The following ACTL8 variants were observed in gnomAD, a reference collection of about 807,000 sequenced individuals.
ACTL8 encodes actin like 8.
A neutral mutation model predicts 9.3 loss-of-function variants in ACTL8; 3 were observed. The observed-to-expected ratio is 0.32, with a 90% CI of 0.15 to 0.83. The LOEUF is 0.83. Ranked by LOEUF, ACTL8 falls within the 40% of genes least tolerant of loss-of-function variation. The pLI, the probability that ACTL8 is intolerant of heterozygous loss-of-function variation, is 0.57. For missense variants in ACTL8, 381 were observed against 492.2 expected, an observed-to-expected ratio of 0.77 and a Z score of 2.14; for synonymous variants, 224 against 205.9, an observed-to-expected ratio of 1.09 and a Z score of -0.75.
At chr1:17,794,773 C>A (rs2066265589) in intron 1 of ACTL8, among the ~76,000 whole-genome samples, 2 of 152,308 alleles carry the variant, frequency 1.3e-5, no homozygotes, top group South Asian at 2.1e-4. Flanking sequence ...ACGTAGAGAT[C>A]CCACAGAGAG....
chr1:17,780,289 C>T (rs933010535), intron 1 of ACTL8, among the ~76,000 whole-genome samples: 1 of 152,128 alleles, frequency 6.6e-6, no homozygotes, highest in Non-Finnish European at 1.5e-5. Context: ...CTGGGAAGAC[C>T]TTAGGATGCT....
At chr1:17,788,121 G>A (rs1383467004) in intron 1 of ACTL8, among the ~76,000 whole-genome samples, 1 of 152,208 alleles carries the variant, frequency 6.6e-6, no homozygotes, top group South Asian at 2.1e-4. Flanking sequence ...TGTCAGCCCT[G>A]TGTATAGCAT....
chr1:17,763,952 A>G (rs1272114129), intron 1 of ACTL8, among the ~76,000 whole-genome samples: 1 of 152,202 alleles, frequency 6.6e-6, no homozygotes, highest in Non-Finnish European at 1.5e-5. Context: ...TAAATGGGCT[A>G]ACTGGGACAA....
chr1:17,764,172 C>G (rs1308844157), intron 1 of ACTL8, among the ~76,000 whole-genome samples: 3 of 152,108 alleles, frequency 2.0e-5, no homozygotes, highest in African/African-American at 7.2e-5. Flanking sequence ...GGTCCAGTTC[C>G]CGGCTGACAG....
intron 1 of ACTL8, among the ~76,000 whole-genome samples, chr1:17,784,075 G>C (rs1426405119): frequency 6.6e-6 from 1 of 152,218 alleles, no homozygotes; most frequent in Non-Finnish European, 1.5e-5. Flanking sequence ...ACCTGAGACT[G>C]GGTAATTTAT....
At chr1:17,820,758 G>A (rs1335177873) in intron 1 of ACTL8, among the ~76,000 whole-genome samples, 4 of 152,044 alleles carry the variant, frequency 2.6e-5, no homozygotes, top group African/African-American at 4.8e-5. Flanking sequence ...TGTATTTTTA[G>A]TAGAGACAGG....
intron 1 of ACTL8, among the ~76,000 whole-genome samples, chr1:17,790,859 G>T (rs1419119588): frequency 6.6e-6 from 1 of 152,266 alleles, no homozygotes; most frequent in African/African-American, 2.4e-5. Flanking sequence ...TTCAGAGGGG[G>T]CTGAGGCAGC....
chr1:17,780,696 C>T (rs2066148194), intron 1 of ACTL8, among the ~76,000 whole-genome samples: 1 of 70,902 alleles, frequency 1.4e-5, no homozygotes. Flanking sequence ...GTTGACAGTG[C>T]AGTCCTGAAT....
chr1:17,756,177 TG>T (rs1435132454), intron 1 of ACTL8, among the ~76,000 whole-genome samples: 1 of 152,006 alleles, frequency 6.6e-6, no homozygotes, highest in Non-Finnish European at 1.5e-5. Context: ...AGCTCTTCTT[TG>T]GGGCTCTATC....
intron 1 of ACTL8, among the ~76,000 whole-genome samples, chr1:17,791,371 G>C (rs1199882610): frequency 2.0e-5 from 3 of 152,214 alleles, no homozygotes; most frequent in African/African-American, 7.2e-5. Context: ...AGGAAACTGT[G>C]TTCACAGAAT....
intron 1 of ACTL8, among the ~76,000 whole-genome samples, chr1:17,775,591 A>G (rs570932542): frequency 6.6e-6 from 1 of 152,242 alleles, no homozygotes; most frequent in Non-Finnish European, 1.5e-5. Context: ...CCAAAAGGCT[A>G]TCGTTTCCTG....
chr1:17,776,995 TTTTTTTTTTTAG>T (rs2066123103), intron 1 of ACTL8, among the ~76,000 whole-genome samples: 1 of 134,528 alleles, frequency 7.4e-6, no homozygotes, highest in Non-Finnish European at 1.6e-5. Flanking sequence ...TTTTTTTTTT[TTTTTTTTTTTAG>T]AGATGGGGGT....
chr1:17,789,390 C>T (rs1301882478), intron 1 of ACTL8, among the ~76,000 whole-genome samples: 4 of 152,182 alleles, frequency 2.6e-5, no homozygotes, highest in Non-Finnish European at 5.9e-5. Flanking sequence ...TCTCAGTGCC[C>T]CTTGCATGTT....
At chr1:17,794,453 C>A (rs2066263331) in intron 1 of ACTL8, among the ~76,000 whole-genome samples, 2 of 152,188 alleles carry the variant, frequency 1.3e-5, no homozygotes, top group East Asian at 3.9e-4. Context: ...GTTACACCAT[C>A]CCCTCTAGGC....
intron 1 of ACTL8, among the ~76,000 whole-genome samples, chr1:17,778,302 C>G (rs1041416415): frequency 2.6e-5 from 4 of 152,126 alleles, no homozygotes; most frequent in Non-Finnish European, 4.4e-5. Flanking sequence ...ATCTCACTGG[C>G]CCCGAGGGGC....
At chr1:17,792,297 A>G (rs968976887) in intron 1 of ACTL8, among the ~76,000 whole-genome samples, 1 of 152,224 alleles carries the variant, frequency 6.6e-6, no homozygotes, top group Admixed American at 6.5e-5. Flanking sequence ...CAAATGGGGA[A>G]ACTGAGGCTT....
At chr1:17,808,398 G>A (rs1051543053) in intron 1 of ACTL8, among the ~76,000 whole-genome samples, 5 of 152,158 alleles carry the variant, frequency 3.3e-5, no homozygotes, top group African/African-American at 7.2e-5. Flanking sequence ...TGAAGACTAC[G>A]GTGTAGAGAG....
intron 1 of ACTL8, among the ~76,000 whole-genome samples, chr1:17,756,644 G>A (rs936352735): frequency 3.3e-5 from 5 of 152,282 alleles, no homozygotes; most frequent in African/African-American, 1.2e-4. Flanking sequence ...CAGAATTGGT[G>A]TCAGGAATAG....
chr1:17,776,002 G>A (rs2066116113), intron 1 of ACTL8, among the ~76,000 whole-genome samples: 1 of 152,182 alleles, frequency 6.6e-6, no homozygotes, highest in Non-Finnish European at 1.5e-5. Flanking sequence ...CACTGTTTGT[G>A]CTATCCAGAT....
Sources: gnomAD v4.1 joint callset for allele counts (sites outside exome capture counted in the v4.1 genomes callset) on GRCh38, gnomAD v4.1.1 for gene constraint, MANE v1.5 for transcripts, NCBI Gene and HGNC (gene_info 2026-07-23, HGNC 2026-07-21) for gene names.